The following NDRG1 variants were observed in gnomAD, a reference collection of about 807,000 sequenced individuals.
The protein encoded by NDRG1 is protein NDRG1.
A neutral mutation model predicts 56.9 loss-of-function variants in NDRG1; 32 were observed. That is an observed-to-expected ratio of 0.56 (90% confidence interval 0.42 to 0.76). The LOEUF (loss-of-function observed/expected upper bound fraction) is 0.76, where lower values mean the gene tolerates loss of function less well. Ranked by LOEUF, NDRG1 falls within the 30% of genes least tolerant of loss-of-function variation. The pLI, the probability that NDRG1 is intolerant of heterozygous loss-of-function variation, is 0.00. For synonymous variants in NDRG1, 211 were observed against 204.1 expected, an observed-to-expected ratio of 1.03 and a Z score of -0.29; for missense variants, 507 against 545.7, an observed-to-expected ratio of 0.93 and a Z score of 0.71.
Position 133,264,587 on chromosome 8 carries a change from G to T in NDRG1, c.165C>A (p.Asn55Lys). The T allele has an allele frequency of 6.2e-7, 1 of 1,614,206 alleles. No homozygotes were observed. The highest frequency in any genetic ancestry group is 8.5e-7 in the Non-Finnish European group (1 of 1,180,044). The change falls in exon 4 of 16, where the codon AAC becomes AAA. Residue 55 changes from asparagine (N) to lysine (K), a missense_variant. Transcript: ENST00000323851. ...HVTLCGTPKG[N>K]RPVILTYHDI... ...CATGGTAGGTGAGGATGACAGGCCG[G>T]TTTCCCTTGGGAGTCCCACACAGCG...
chr8:133,281,262 C>T (rs1342598622), intron 2 of NDRG1, among the ~76,000 whole-genome samples: 1 of 151,106 alleles, frequency 6.6e-6, no homozygotes, highest in East Asian at 1.9e-4. Context: ...GAGGCTAAGG[C>T]AGGAGAATTC....
chr8:133,257,314 C>CAGAG (rs1400226684), intron 7 of NDRG1, among the ~76,000 whole-genome samples: 1 of 116,112 alleles, frequency 8.6e-6, no homozygotes, highest in Non-Finnish European at 1.9e-5. Context: ...CACACACACA[C>CAGAG]ACAGAGAGAG....
intron 4 of NDRG1, among the ~76,000 whole-genome samples, chr8:133,263,629 T>C (rs983493290): frequency 3.3e-5 from 5 of 152,176 alleles, no homozygotes; most frequent in Non-Finnish European, 4.4e-5. Flanking sequence ...AACTGAAGAA[T>C]AGATGGCCGG....
At chr8:133,291,807 C>T (rs1449307004) in intron 1 of NDRG1, among the ~76,000 whole-genome samples, 5 of 152,216 alleles carry the variant, frequency 3.3e-5, no homozygotes, top group Middle Eastern at 3.4e-3. Context: ...AAGGTGAACC[C>T]CACTGTCTCC....
chr8:133,290,769 A>G (rs190830599), intron 1 of NDRG1, among the ~76,000 whole-genome samples: 1 of 152,194 alleles, frequency 6.6e-6, no homozygotes, highest in Non-Finnish European at 1.5e-5. Flanking sequence ...TCCCTTCACA[A>G]CACCCAGAAG....
At chr8:133,269,364 G>C (rs967109254) in intron 3 of NDRG1, among the ~76,000 whole-genome samples, 3 of 152,124 alleles carry the variant, frequency 2.0e-5, no homozygotes, top group Non-Finnish European at 4.4e-5. Context: ...CAAAAACCTG[G>C]CTGCACACAC....
intron 5 of NDRG1, among the ~76,000 whole-genome samples, chr8:133,261,151 G>A (rs911342671): frequency 3.3e-5 from 5 of 152,008 alleles, no homozygotes; most frequent in Non-Finnish European, 5.9e-5. Context: ...TGTCACCCAG[G>A]CTGGAGTGCA....
chr8:133,268,901 C>T (rs1857052658), intron 3 of NDRG1, among the ~76,000 whole-genome samples: 1 of 152,032 alleles, frequency 6.6e-6, no homozygotes, highest in African/African-American at 2.4e-5. Flanking sequence ...CAAACACACC[C>T]ACCAACAAAC....
chr8:133,248,705 A>G lies in NDRG1; in HGVS notation c.755+10T>C, dbSNP rs2233336. ...GACTGCAAGTGCTGGGGGAGAGAAAAGCCACTCACTGCAGGGTGACTGTGT... is the reference window on the plus strand; with the variant it reads ...GACTGCAAGTGCTGGGGGAGAGAAAGGCCACTCACTGCAGGGTGACTGTGT... On this transcript the variant is annotated intron_variant, in intron 11 of 15. Transcript: ENST00000323851. 121,278 of 1,613,938 alleles carry G rather than the reference A, an allele frequency of 0.075. 6,378 individuals are homozygous for G. Among genetic ancestry groups the G allele is most frequent in the East Asian group, 0.28 (12,593 of 44,860 alleles).
chr8:133,272,255 C>A (rs1857229770), intron 3 of NDRG1, among the ~76,000 whole-genome samples: 1 of 152,208 alleles, frequency 6.6e-6, no homozygotes, highest in African/African-American at 2.4e-5. Context: ...GACCTCAGTT[C>A]TCCAAGGAAA....
rs559877336 is a variant in NDRG1, at chr8:133,259,205, G to A, written c.352C>T (p.Leu118=). The A allele has an allele frequency of 3.7e-6, 6 of 1,614,196 alleles. No individual in the cohort carries two copies. In the South Asian group the frequency reaches 6.6e-5, roughly 18 times the overall value. The change falls in exon 6 of 16, where the codon CTG becomes TTG. Residue 118 remains leucine, a synonymous_variant. Coordinates refer to ENST00000323851, the MANE Select transcript of NDRG1 (RefSeq NM_006096.4). The part of the protein sequence containing the change: ...AGYMYPSMDQ[L]AEMLPGVLQQ... ...AGGACTCCAGGAAGCATTTCAGCCA[G>A]CTGATCCATGGAGGGGTACATGTAC...
At chr8:133,253,780 C>T (rs867202985) in intron 9 of NDRG1, among the ~76,000 whole-genome samples, 2 of 152,208 alleles carry the variant, frequency 1.3e-5, no homozygotes. Context: ...CTCACTGTAG[C>T]CTCAAACTCC....
At chr8:133,243,595 C>T (rs1855500740) in intron 14 of NDRG1, among the ~76,000 whole-genome samples, 1 of 152,120 alleles carries the variant, frequency 6.6e-6, no homozygotes, top group South Asian at 2.1e-4. Context: ...AGCCTGTGCT[C>T]GTTGCACTCC....
intron 13 of NDRG1, chr8:133,244,670 A>G (rs755970062): frequency 1.8e-6 from 1 of 564,992 alleles, no homozygotes; most frequent in South Asian, 2.0e-5. Flanking sequence ...GAACCATGGA[A>G]GGTACAGCTG....
intron 1 of NDRG1, among the ~76,000 whole-genome samples, chr8:133,294,674 G>GT (rs1858636996): frequency 6.9e-6 from 1 of 145,096 alleles, no homozygotes; most frequent in African/African-American, 2.6e-5. Flanking sequence ...TCTGTCATGG[G>GT]GGGGGGGCAG....
chr8:133,254,753 T>A (rs961982658), intron 8 of NDRG1, 158 bp from the exon 9 acceptor site: 29 of 734,384 alleles, frequency 3.9e-5, no homozygotes, highest in Non-Finnish European at 6.5e-5. Context: ...TCAGTTCCTG[T>A]CTCCAGTTCC....
chr8:133,249,389 T>A (rs1482039165), intron 10 of NDRG1: 1 of 160,964 alleles, frequency 6.2e-6, no homozygotes, highest in Non-Finnish European at 1.4e-5. Flanking sequence ...CAGCCTGGAG[T>A]TAGACAAGCA....
At chr8:133,262,977 C>A (rs1012224663) in intron 4 of NDRG1, among the ~76,000 whole-genome samples, 1 of 152,194 alleles carries the variant, frequency 6.6e-6, no homozygotes, top group East Asian at 1.9e-4. Flanking sequence ...CCACTAAACA[C>A]CCACTAAACT....
At chr8:133,244,661 A>T in intron 13 of NDRG1, 6 of 575,574 alleles carry the variant, frequency 1.0e-5, no homozygotes, top group Non-Finnish European at 1.6e-5. Flanking sequence ...ATTCCCCAAG[A>T]ACCATGGAAG....
Sources: allele counts gnomAD v4.1 joint callset (sites outside exome capture counted in the v4.1 genomes callset), GRCh38; gene constraint gnomAD v4.1.1; transcripts MANE v1.5; gene names NCBI Gene and HGNC (gene_info 2026-07-23, HGNC 2026-07-21).